UNKL: variants seen among roughly 807,000 people sequenced by gnomAD.
UNKL encodes unk like zinc finger.
UNKL carries 60 observed loss-of-function variants against 78.0 expected under a neutral mutation model. The ratio of observed to expected loss-of-function variants is 0.77; its 90% CI spans 0.63 to 0.95. The LOEUF is 0.95. UNKL is among the 40% of genes least tolerant of loss of function. UNKL has a pLI of 0.00. For missense variants in UNKL, 1,159 were observed against 1,045.7 expected (o/e 1.11, Z -1.49); for synonymous variants, 608 against 474.8 (o/e 1.28, Z -3.65).
intron 14 of UNKL, among the ~76,000 whole-genome samples, 197 bp downstream of exon 14, chr16:1,366,895 G>GGCGGCTCCCAGGGGGAAAC (rs1018147909): frequency 6.6e-6 from 1 of 152,160 alleles, no homozygotes; most frequent in East Asian, 1.9e-4. Context: ...TGACAGGAAA[G>GGCGGCTCCCAGGGGGAAAC]GCGGCTCCCA....
chr16:1,414,684 G>A lies in UNKL; in HGVS notation c.8C>T (p.Ser3Leu), dbSNP rs2038206623. The change falls in exon 1 of 15, where the codon TCG becomes TTG. Residue 3 changes from serine (S) to leucine (L), a missense_variant. Coordinates refer to ENST00000389221, the MANE Select transcript of UNKL (RefSeq NM_001372107.1). MP[S>L]VSKAAAAALS... ...CGCCGCTGCCGCCGCTTTCGAAACC[G>A]ACGGCATTTTCAGTCAAAACAATGC... The A allele has an allele frequency of 2.6e-6, 3 of 1,144,902 alleles. No homozygotes were observed. Among genetic ancestry groups the A allele is most frequent in the Admixed American group, 4.1e-5 (1 of 24,540 alleles). The allele number at this position is 1,144,902 out of a possible 1,614,324, so 70.9% of individuals were successfully genotyped here. A position where few individuals can be genotyped will look rare whatever the true frequency, so the allele number is the denominator to read the frequency against.
At chr16:1,392,439 C>A (rs908906932) in intron 8 of UNKL, among the ~76,000 whole-genome samples, 1 of 143,142 alleles carries the variant, frequency 7.0e-6, no homozygotes, top group Non-Finnish European at 1.6e-5. Flanking sequence ...CTCTTCCCCC[C>A]TCTTTTTTTG....
intron 10 of UNKL, chr16:1,379,182 A>G (rs1017792512): frequency 1.3e-5 from 2 of 152,436 alleles, no homozygotes; most frequent in Non-Finnish European, 2.9e-5. Context: ...ACTGCTCGGA[A>G]CTCAGGACAG....
chr16:1,378,068 T>A (rs1457410460), intron 10 of UNKL, among the ~76,000 whole-genome samples: 4 of 152,176 alleles, frequency 2.6e-5, no homozygotes, highest in African/African-American at 9.7e-5. Flanking sequence ...CACTGCAGGC[T>A]CAGCCTGGCT....
intron 12 of UNKL, chr16:1,369,894 G>C (rs947336728): frequency 1.3e-6 from 2 of 1,508,844 alleles, no homozygotes; most frequent in South Asian, 1.2e-5. Flanking sequence ...AGAATTGCTT[G>C]AACCTGGGAG....
At chr16:1,408,933 T>G (rs1451367894) in intron 2 of UNKL, 3 of 151,974 alleles carry the variant, frequency 2.0e-5, no homozygotes, top group Middle Eastern at 3.2e-3. Context: ...TTCTTTTTTT[T>G]TTTTTTTGAG....
In UNKL at chr16:1,374,198, G is replaced by A. The variant is rs147162670; in HGVS notation, c.1265-2587C>T. Among the ~76,000 whole-genome samples, 32 of 148,352 alleles carry A rather than the reference G, an allele frequency of 2.2e-4. 2 individuals are homozygous for A. Among genetic ancestry groups the A allele is most frequent in the African/African-American group, 7.1e-4 (27 of 38,246 alleles). On this transcript the variant is annotated intron_variant, in intron 10 of 14. Coordinates refer to ENST00000389221, the MANE Select transcript of UNKL (RefSeq NM_001372107.1). ...CCGCACAGAGACCTCAGCAGCGTGG[G>A]GCACACCACACAGGGACTGTTGCGC...
At chr16:1,369,847 C>G in intron 12 of UNKL, 1 of 1,175,034 alleles carries the variant, frequency 8.5e-7, no homozygotes, top group Non-Finnish European at 1.2e-6. Flanking sequence ...TGGTGGCGCC[C>G]GCCTGTAGTC....
Position 1,366,410 on chromosome 16 carries a change from C to G in UNKL, c.2047-15G>C, listed in dbSNP as rs747179664. The stretch of plus-strand genomic sequence containing the variant: ...TGGAAGATCACCTGCAGGGCCAGAA[C>G]AATGACGGGCTCAGGAGGCCCCTGC... On this transcript the variant is annotated splice_polypyrimidine_tract_variant and intron_variant, in intron 14 of 14. Transcript: ENST00000389221. The G allele has an allele frequency of 1.9e-6, 3 of 1,567,152 alleles. No individual in the cohort carries two copies. In the South Asian group the frequency reaches 3.4e-5, roughly 18 times the overall value.
intron 10 of UNKL, chr16:1,379,002 TG>T (rs2142048916): frequency 6.6e-6 from 1 of 152,364 alleles, no homozygotes. Context: ...TAGGTGAGGC[TG>T]GTCACCTAAG....
chr16:1,389,735 G>T (rs1318713159), intron 9 of UNKL, among the ~76,000 whole-genome samples: 2 of 152,336 alleles, frequency 1.3e-5, no homozygotes, highest in East Asian at 3.9e-4. Context: ...GCACCCGGGG[G>T]GCCTCAGGAG....
chr16:1,391,937 CT>C (rs1658516627), intron 8 of UNKL, among the ~76,000 whole-genome samples: 1 of 152,208 alleles, frequency 6.6e-6, no homozygotes, highest in African/African-American at 2.4e-5. Flanking sequence ...ATCCACCCGC[CT>C]TGGCCTCCCA....
intron 12 of UNKL, among the ~76,000 whole-genome samples, chr16:1,369,374 CTTTTTT>C (rs879894924): frequency 7.1e-6 from 1 of 141,718 alleles, no homozygotes; most frequent in African/African-American, 2.6e-5. Flanking sequence ...GCCTTTTTCT[CTTTTTT>C]TTTTTTGAGA....
At chr16:1,390,431 G>C (rs897045012) in intron 9 of UNKL, among the ~76,000 whole-genome samples, 2 of 152,220 alleles carry the variant, frequency 1.3e-5, no homozygotes, top group East Asian at 1.9e-4. Context: ...GTTTCAAACA[G>C]ACAAACACGG....
chr16:1,406,096 G>C (rs770773338), intron 2 of UNKL: 3 of 456,380 alleles, frequency 6.6e-6, no homozygotes, highest in Non-Finnish European at 1.3e-5. Context: ...GAGACAGGCA[G>C]TGTACACGAC....
intron 12 of UNKL, chr16:1,369,899 T>A: frequency 6.6e-7 from 1 of 1,517,976 alleles, no homozygotes; most frequent in Non-Finnish European, 8.9e-7. Flanking sequence ...TGCTTGAACC[T>A]GGGAGGCGGA....
In UNKL at chr16:1,408,619, G is replaced by A. The variant is rs370800311; in HGVS notation, c.287+5227C>T. 4.2e-3 allele frequency: 640 copies of A among 153,652 alleles called. 5 individuals carry two copies. The highest frequency in any genetic ancestry group is 5.7e-3 in the Non-Finnish European group (393 of 68,348). The allele number at this position is 153,652 out of a possible 1,614,324, so 9.5% of individuals were successfully genotyped here. A position where few individuals can be genotyped will look rare whatever the true frequency, so the allele number is the denominator to read the frequency against. On this transcript the variant is annotated intron_variant, in intron 2 of 14. Coordinates refer to ENST00000389221, the MANE Select transcript of UNKL (RefSeq NM_001372107.1). ...GCTGTAGGAGGTCACCCTCCACGGA[G>A]GGAGGGGTGACGGCAGAGGCGTCCG...
intron 2 of UNKL, among the ~76,000 whole-genome samples, chr16:1,408,224 C>T (rs1017864362): frequency 4.6e-5 from 7 of 151,704 alleles, no homozygotes; most frequent in South Asian, 2.1e-4. Flanking sequence ...CTCAGCTACA[C>T]CCCCGGGGCC....
At chr16:1,406,629 T>C (rs897356792) in intron 2 of UNKL, among the ~76,000 whole-genome samples, 20 of 152,130 alleles carry the variant, frequency 1.3e-4, no homozygotes, top group Non-Finnish European at 2.8e-4. Flanking sequence ...TATGAGCCAC[T>C]GCACCCGGAT....
Sources: allele counts gnomAD v4.1 joint callset (sites outside exome capture counted in the v4.1 genomes callset), GRCh38; gene constraint gnomAD v4.1.1; transcripts MANE v1.5; gene names NCBI Gene and HGNC (gene_info 2026-07-23, HGNC 2026-07-21).